The following AKAP10 variants were observed in gnomAD, a reference collection of about 807,000 sequenced individuals.
AKAP10 encodes A-kinase anchoring protein 10, also known as A-kinase anchor protein 10, mitochondrial.
A neutral mutation model predicts 80.8 loss-of-function variants in AKAP10; 24 were observed. That is an observed-to-expected ratio of 0.30 (90% CI 0.22 to 0.42). The LOEUF is 0.42. Among genes scored for constraint, AKAP10 ranks in the 10% least tolerant of loss-of-function variants. The pLI is 1.00. For missense variants in AKAP10, 661 were observed against 794.9 expected (o/e 0.83, Z 2.03); for synonymous variants, 291 against 277.7 (o/e 1.05, Z -0.48).
chr17:19,957,548 T>A (rs905515356), intron 4 of AKAP10, among the ~76,000 whole-genome samples: 2 of 151,510 alleles, frequency 1.3e-5, no homozygotes, highest in African/African-American at 4.9e-5. Context: ...AAAAAAAAGA[T>A]AATCATGCCT....
At chr17:19,949,359 G>GA (rs1410164914) in intron 4 of AKAP10, among the ~76,000 whole-genome samples, 1 of 150,814 alleles carries the variant, frequency 6.6e-6, no homozygotes, top group Non-Finnish European at 1.5e-5. Context: ...TGAACAACAG[G>GA]AAAAAAAAAT....
intron 10 of AKAP10, among the ~76,000 whole-genome samples, chr17:19,926,234 A>G (rs2891911): frequency 1.4e-3 from 216 of 152,156 alleles, no homozygotes; most frequent in Non-Finnish European, 2.7e-3. Context: ...ATTTATACTG[A>G]TACAGAAAGA....
chr17:19,918,612 G>A (rs1045752683), intron 12 of AKAP10, among the ~76,000 whole-genome samples: 1 of 152,262 alleles, frequency 6.6e-6, no homozygotes, highest in Admixed American at 6.5e-5. Flanking sequence ...GAGCCACAGC[G>A]CCTGGCCAAT....
At chr17:19,934,350 C>A (rs1180902201) in intron 9 of AKAP10, among the ~76,000 whole-genome samples, 1 of 151,980 alleles carries the variant, frequency 6.6e-6, no homozygotes, top group Non-Finnish European at 1.5e-5. Flanking sequence ...CGGCATAATG[C>A]CTTCTTTAAT....
chr17:19,971,055 C>T (rs1048770754), intron 1 of AKAP10, among the ~76,000 whole-genome samples: 8 of 151,748 alleles, frequency 5.3e-5, no homozygotes, highest in African/African-American at 1.9e-4. Flanking sequence ...CTTGCTATCT[C>T]GCCCAGGCTA....
intron 5 of AKAP10, among the ~76,000 whole-genome samples, chr17:19,946,120 C>T (rs28613420): frequency 7.7e-6 from 1 of 130,558 alleles, no homozygotes; most frequent in Non-Finnish European, 1.6e-5. Flanking sequence ...TATATATATA[C>T]ACACACTAAT....
At chr17:19,920,562 G>A (rs1254009248) in intron 11 of AKAP10, among the ~76,000 whole-genome samples, 1 of 152,104 alleles carries the variant, frequency 6.6e-6, no homozygotes, top group Non-Finnish European at 1.5e-5. Context: ...GCAAAAAGTG[G>A]CTAGGCACTG....
chr17:19,942,377 C>G (rs1321936674), intron 5 of AKAP10, among the ~76,000 whole-genome samples: 1 of 151,994 alleles, frequency 6.6e-6, no homozygotes, highest in Non-Finnish European at 1.5e-5. Flanking sequence ...AATAAGGAGG[C>G]ACTACACCTT....
intron 9 of AKAP10, among the ~76,000 whole-genome samples, chr17:19,934,303 C>G (rs2042969424): frequency 6.6e-6 from 1 of 152,148 alleles, no homozygotes; most frequent in Non-Finnish European, 1.5e-5. Flanking sequence ...TTGACAGTTA[C>G]TGGTGATATA....
At chr17:19,937,153 T>C (rs1027921849) in intron 8 of AKAP10, among the ~76,000 whole-genome samples, 52 of 152,024 alleles carry the variant, frequency 3.4e-4, no homozygotes, top group African/African-American at 9.7e-4. Context: ...TTCTATGTCC[T>C]GACAGAAATA....
intron 4 of AKAP10, among the ~76,000 whole-genome samples, chr17:19,952,810 T>C (rs1051297306): frequency 6.6e-6 from 1 of 151,670 alleles, no homozygotes; most frequent in South Asian, 2.1e-4. Context: ...AAAGTAAAAT[T>C]GGAAAAAAAA....
chr17:19,970,985 G>A (rs1264167283), intron 1 of AKAP10, among the ~76,000 whole-genome samples: 1 of 151,720 alleles, frequency 6.6e-6, no homozygotes, highest in Non-Finnish European at 1.5e-5. Context: ...GAACTCCTGG[G>A]CTCAAGTGAT....
chr17:19,936,153 C>T (rs1461149587), intron 9 of AKAP10, 133 bp downstream of exon 9: 14 of 1,051,498 alleles, frequency 1.3e-5, no homozygotes, highest in Non-Finnish European at 1.9e-5. Flanking sequence ...GACTCAAGGC[C>T]TCTGCTCTTA....
Position 19,958,406 on chromosome 17 carries a change from T to C in AKAP10, c.485A>G (p.His162Arg), listed in dbSNP as rs1283330588. ...TCTTATTCGCGACCAAGTTGTTGAA[T>C]GAAAACTTTCAGCCTCTAACCAAAA... Reference protein sequence around the residue: ...VKFWLEAESFHSTTWSRIRAH... With the variant: ...VKFWLEAESFRSTTWSRIRAH... Residue 162 changes from histidine (H) to arginine (R), a missense_variant, in exon 4 of 15, where the codon CAT becomes CGT. Physicochemically the swap from His to Arg is conservative, Grantham distance 29. Coordinates refer to ENST00000225737, the MANE Select transcript of AKAP10 (RefSeq NM_007202.4). 6.2e-7 allele frequency: 1 copy of C among 1,614,090 alleles called. No individual in the cohort carries two copies. The highest frequency in any genetic ancestry group is 1.3e-5 in the African/African-American group (1 of 74,922).
chr17:19,970,829 A>G (rs2043486649), intron 1 of AKAP10, among the ~76,000 whole-genome samples: 1 of 151,860 alleles, frequency 6.6e-6, no homozygotes, highest in South Asian at 2.1e-4. Context: ...TCTTAAAAAA[A>G]AAAAAATAAA....
At chr17:19,918,889 T>C (rs1597491509) in intron 12 of AKAP10, among the ~76,000 whole-genome samples, 1 of 152,336 alleles carries the variant, frequency 6.6e-6, no homozygotes, top group East Asian at 1.9e-4. Context: ...ATGAACAATT[T>C]GAATTTTGAC....
chr17:19,956,688 C>G (rs1390136772), intron 4 of AKAP10, among the ~76,000 whole-genome samples: 1 of 152,100 alleles, frequency 6.6e-6, no homozygotes, highest in Non-Finnish European at 1.5e-5. Flanking sequence ...CCACTTCTCC[C>G]AGCTTACAGT....
intron 10 of AKAP10, among the ~76,000 whole-genome samples, chr17:19,931,596 G>A (rs1036318856): frequency 6.6e-6 from 1 of 151,878 alleles, no homozygotes; most frequent in Non-Finnish European, 1.5e-5. Context: ...TCACCATGTC[G>A]GCCAGGCTGG....
chr17:19,971,440 T>C (rs2043496266), intron 1 of AKAP10, among the ~76,000 whole-genome samples: 1 of 147,882 alleles, frequency 6.8e-6, no homozygotes. Context: ...ACCCAGGAGG[T>C]GGAGGTTGCA....
Sources: allele counts gnomAD v4.1 joint callset (sites outside exome capture counted in the v4.1 genomes callset), GRCh38; gene constraint gnomAD v4.1.1; transcripts MANE v1.5; gene names NCBI Gene and HGNC (gene_info 2026-07-23, HGNC 2026-07-21).